Variants in BPIFB6 observed in about 807,000 individuals in gnomAD.
BPIFB6 encodes BPI fold-containing family B member 6.
Under a neutral mutation model 54.7 loss-of-function variants are expected in BPIFB6, and 47 were observed. The observed-to-expected ratio is 0.86, with a 90% CI of 0.68 to 1.10. The LOEUF (loss-of-function observed/expected upper bound fraction) is 1.10. Among genes scored for constraint, BPIFB6 ranks in the 50% least tolerant of loss-of-function variants. The pLI is 0.00. For missense variants in BPIFB6, 603 were observed against 564.1 expected, an observed-to-expected ratio of 1.07 and a Z score of -0.70; for synonymous variants, 255 against 225.9, an observed-to-expected ratio of 1.13 and a Z score of -1.16.
intron 11 of BPIFB6, 71 bp from the exon 12 acceptor site, chr20:33,041,899 C>G: frequency 2.1e-6 from 3 of 1,457,860 alleles, no homozygotes; most frequent in Non-Finnish European, 9.6e-7. Flanking sequence ...CCCCCTTCTC[C>G]AGCGCCAGGG....
rs184632254 is a variant in BPIFB6 at position 33,041,594 on chromosome 20, C to T, written c.1143-376C>T. 2.6e-5 allele frequency among the ~76,000 whole-genome samples: 4 copies of T among 152,148 alleles called. No individual in the cohort carries two copies. The East Asian group carries it at 7.8e-4, about 30-fold the overall frequency. ...ATGTTAGTGCCTCCTGGAGGCTGTA[C>T]AGGGACGGGGCTGGGGGAAGGGCTC... is the stretch of plus-strand genomic sequence containing the variant. On this transcript the variant is annotated intron_variant, in intron 11 of 14. Coordinates refer to ENST00000349552, the MANE Select transcript of BPIFB6 (RefSeq NM_174897.2).
At position 33,042,832 on chromosome 20, in the gene BPIFB6, C is replaced by T; in HGVS notation, c.1206C>T (p.Gly402=). The change falls in exon 13 of 15, where the codon GGC becomes GGT. Residue 402 remains glycine (G), a synonymous_variant. Transcript: ENST00000349552. ...CTTTCCAGGAGAGGGAATTAACTGG[C>T]TTCATCACCAGCTATCTCGAAGAAG... ...IGNFNERELT[G]FITSYLEEAY... The T allele has an allele frequency of 6.2e-7, 1 of 1,614,156 alleles. No individual in the cohort carries two copies. The highest frequency in any genetic ancestry group is 8.5e-7 in the Non-Finnish European group (1 of 1,179,966).
intron 11 of BPIFB6, among the ~76,000 whole-genome samples, 197 bp from the exon 12 acceptor site, chr20:33,041,773 G>A (rs1425647868): frequency 1.3e-5 from 2 of 152,174 alleles, no homozygotes; most frequent in Non-Finnish European, 2.9e-5. Flanking sequence ...ATCATGTGCT[G>A]TAACGAAAGG....
chr20:33,036,324 C>T, intron 6 of BPIFB6, 121 bp from the exon 7 acceptor site: 1 of 757,974 alleles, frequency 1.3e-6, no homozygotes, highest in Non-Finnish European at 2.3e-6. Context: ...CCCAGAAGTG[C>T]TAAGGAATTT....
At chr20:33,041,241 G>A (rs111982438) in intron 11 of BPIFB6, among the ~76,000 whole-genome samples, 20 of 151,938 alleles carry the variant, frequency 1.3e-4, no homozygotes, top group Non-Finnish European at 1.9e-4. Flanking sequence ...CACCCGCCTC[G>A]GCCTCCCAAA....
At position 33,042,878 on chromosome 20, in the gene BPIFB6, G is replaced by A. The variant is rs550671958; in HGVS notation, c.1252G>A (p.Asp418Asn). The change falls in exon 13 of 15, where the codon GAT (aspartate) becomes AAT (asparagine). Residue 418 changes from aspartate to asparagine, a missense_variant and splice_region_variant. By Grantham distance (23) the Asp-to-Asn change is conservative (BLOSUM62 1). Coordinates refer to ENST00000349552, the MANE Select transcript of BPIFB6 (RefSeq NM_174897.2). ...AGAAGCCTACATCCCAGTTGTCAAT[G>A]GTGAGGGTTCCAAAAGGCTTTGGAC... ...LEEAYIPVVN[D>N]VLQVGLPLPD... 6 of 1,613,918 alleles carry A rather than the reference G, an allele frequency of 3.7e-6. No individual in the cohort carries two copies. In the South Asian group the frequency reaches 4.4e-5, roughly 12 times the overall value.
At chr20:33,037,293 C>T (rs1979384272) in intron 7 of BPIFB6, among the ~76,000 whole-genome samples, 1 of 152,182 alleles carries the variant, frequency 6.6e-6, no homozygotes, top group African/African-American at 2.4e-5. Context: ...AGCCTCCAAC[C>T]ACTCAGAGCA....
chr20:33,043,324 T>C lies in BPIFB6; in HGVS notation c.1286T>C (p.Phe429Ser). 1 of 1,614,200 alleles carries C rather than the reference T, an allele frequency of 6.2e-7. No individual in the cohort carries two copies. The highest frequency in any genetic ancestry group is 8.5e-7 in the Non-Finnish European group (1 of 1,180,042). ...VLQVGLPLPD[F>S]LAMNYNLAEL... The stretch of plus-strand genomic sequence containing the variant: ...CAAGTGGGGCTCCCACTCCCGGACT[T>C]TCTGGCCATGAATTACAACCTGGCT... The change falls in exon 14 of 15, where the codon TTT becomes TCT. Residue 429 changes from phenylalanine to serine, a missense_variant. Transcript: ENST00000349552.
rs1979307735 is a variant in BPIFB6, at chr20:33,035,683, C to A, written c.577+11C>A. 3 of 1,612,532 alleles carry A rather than the reference C, an allele frequency of 1.9e-6. No homozygotes were observed. Among genetic ancestry groups the A allele is most frequent in the Non-Finnish European group, 2.5e-6 (3 of 1,178,696 alleles). On this transcript the variant is annotated intron_variant, in intron 6 of 14. Coordinates refer to ENST00000349552, the MANE Select transcript of BPIFB6 (RefSeq NM_174897.2). ...GGACCAACCTCAGTGGTGAGTGTAG[C>A]CCTACCCACACCTTGCCCCTACCTA...
intron 5 of BPIFB6, 26 bp from the exon 6 acceptor site, chr20:33,035,586 C>T: frequency 6.2e-7 from 1 of 1,613,760 alleles, no homozygotes; most frequent in Non-Finnish European, 8.5e-7. Flanking sequence ...GGGACCCTCT[C>T]AGCCCAGTGC....
At position 33,035,032 on chromosome 20, in the gene BPIFB6, CTG is replaced by C. The variant is rs758479005; in HGVS notation, c.453-48_453-47del. 5.0e-5 allele frequency: 80 copies of C among 1,611,326 alleles called. 1 individual carries two copies. The African/African-American group carries it at 1.0e-3, about 21-fold the overall frequency. On this transcript the variant is annotated intron_variant, in intron 4 of 14. Coordinates refer to ENST00000349552, the MANE Select transcript of BPIFB6 (RefSeq NM_174897.2). ...CCCTTCATGTCCTGTGCCTAAATTC[CTG>C]CACTGGTGCACCTGCCCACCTATCC...
In BPIFB6 at chr20:33,036,672, C is replaced by A. The variant is rs187556054; in HGVS notation, c.669+136C>A. 1.7e-3 allele frequency: 1,366 copies of A among 808,918 alleles called. 7 individuals are homozygous for A. Among genetic ancestry groups the A allele is most frequent in the Non-Finnish European group, 1.3e-3 (634 of 479,024 alleles). 50.1% of individuals were successfully genotyped at this position (808,918 alleles called of 1,614,324 possible). A position where few individuals can be genotyped will look rare whatever the true frequency, so the allele number is the denominator to read the frequency against. On this transcript the variant is annotated intron_variant, in intron 7 of 14. Transcript: ENST00000349552. ...GCCCCTCAAGCCGTGGAGGCCAATG[C>A]CATGTGGGTGTTTGTGGACCCTGGG...
intron 5 of BPIFB6, 58 bp from the exon 6 acceptor site, chr20:33,035,554 C>A: frequency 1.3e-6 from 2 of 1,564,098 alleles, no homozygotes; most frequent in Non-Finnish European, 1.8e-6. Context: ...TACCATTCAG[C>A]TGTGTGGAGG....
chr20:33,036,484 T>C lies in BPIFB6; in HGVS notation c.617T>C (p.Val206Ala). 6.2e-7 allele frequency: 1 copy of C among 1,614,154 alleles called. No homozygotes were observed. The highest frequency in any genetic ancestry group is 8.5e-7 in the Non-Finnish European group (1 of 1,180,000). The part of the protein sequence containing the change: ...PVGQMGTVKY[V>A]LMSAPATTAS... Reference sequence around the variant, plus strand: ...GGCCAGATGGGCACCGTCAAATATGTTCTGATGTCCGCACCAGCCACCACA... The same window carrying C: ...GGCCAGATGGGCACCGTCAAATATGCTCTGATGTCCGCACCAGCCACCACA... Residue 206 changes from valine to alanine, a missense_variant, in exon 7 of 15, where the codon GTT becomes GCT. Val to Ala is a moderately conservative substitution (Grantham distance 64). Transcript: ENST00000349552.
chr20:33,032,113 TTGC>T (rs1979127985), intron 1 of BPIFB6, among the ~76,000 whole-genome samples: 1 of 152,170 alleles, frequency 6.6e-6, no homozygotes, highest in Non-Finnish European at 1.5e-5. Flanking sequence ...CCTCCCTGTG[TTGC>T]TGTTTGCTCA....
At chr20:33,039,884 G>T (rs1320343147) in intron 10 of BPIFB6, among the ~76,000 whole-genome samples, 1 of 152,238 alleles carries the variant, frequency 6.6e-6, no homozygotes, top group Non-Finnish European at 1.5e-5. Context: ...AGGTTGAGCA[G>T]GAGCTTGCCA....
chr20:33,033,597 A>G, intron 2 of BPIFB6: 1 of 456,898 alleles, frequency 2.2e-6, no homozygotes, highest in South Asian at 1.5e-5. Context: ...CCAAGAGCTC[A>G]GGATGGGCAA....
At chr20:33,034,495 A>C (rs1232249923) in intron 3 of BPIFB6, among the ~76,000 whole-genome samples, 1 of 152,234 alleles carries the variant, frequency 6.6e-6, no homozygotes, top group Non-Finnish European at 1.5e-5. Flanking sequence ...AGCATTGAAC[A>C]GTGGTGGCGG....
intron 10 of BPIFB6, among the ~76,000 whole-genome samples, chr20:33,039,922 C>T (rs987920906): frequency 1.3e-5 from 2 of 152,088 alleles, no homozygotes; most frequent in Non-Finnish European, 2.9e-5. Context: ...GAGAGTCTTA[C>T]CAGGGAGACT....
Sources: gnomAD v4.1 joint callset for allele counts (sites outside exome capture counted in the v4.1 genomes callset) on GRCh38, gnomAD v4.1.1 for gene constraint, MANE v1.5 for transcripts, NCBI Gene and HGNC (gene_info 2026-07-23, HGNC 2026-07-21) for gene names.